PDE7A: variants seen among roughly 807,000 people sequenced by gnomAD.
The protein encoded by PDE7A is high affinity 3',5'-cyclic-AMP phosphodiesterase 7A.
PDE7A carries 39 observed loss-of-function variants against 64.3 expected under a neutral mutation model. The ratio of observed to expected loss-of-function variants is 0.61; its 90% CI spans 0.47 to 0.79. The LOEUF is 0.79. PDE7A is among the 30% of genes least tolerant of loss of function. The pLI is 0.00. For missense variants in PDE7A, 470 were observed against 582.8 expected (o/e 0.81, Z 1.99); for synonymous variants, 203 against 206.8 (o/e 0.98, Z 0.16).
intron 12 of PDE7A, chr8:65,722,479 T>C (rs1426785780): frequency 1.3e-5 from 2 of 152,254 alleles, no homozygotes; most frequent in Non-Finnish European, 2.9e-5. Context: ...ACTTCATCTT[T>C]CTGAACTTTG....
At chr8:65,745,990 C>T (rs192289201) in intron 4 of PDE7A, among the ~76,000 whole-genome samples, 4 of 151,810 alleles carry the variant, frequency 2.6e-5, no homozygotes, top group Non-Finnish European at 4.4e-5. Context: ...TGCAGTGGCA[C>T]AAACAAGACG....
At chr8:65,762,448 T>G (rs1001244696) in intron 3 of PDE7A, among the ~76,000 whole-genome samples, 4 of 152,270 alleles carry the variant, frequency 2.6e-5, no homozygotes, top group African/African-American at 9.6e-5. Flanking sequence ...GCAAAGTACA[T>G]GAGAACACAG....
chr8:65,796,996 T>C (rs1809859936), intron 1 of PDE7A, among the ~76,000 whole-genome samples: 1 of 152,150 alleles, frequency 6.6e-6, no homozygotes, highest in Non-Finnish European at 1.5e-5. Flanking sequence ...TAGACACAAG[T>C]TTGATATTAA....
At chr8:65,740,325 A>T (rs1807357841) in intron 5 of PDE7A, among the ~76,000 whole-genome samples, 1 of 152,234 alleles carries the variant, frequency 6.6e-6, no homozygotes, top group Admixed American at 6.5e-5. Context: ...TTAAACTTTC[A>T]ACATACTTAG....
At chr8:65,817,799 C>T (rs1344612247) in intron 1 of PDE7A, among the ~76,000 whole-genome samples, 1 of 144,998 alleles carries the variant, frequency 6.9e-6, no homozygotes, top group African/African-American at 2.6e-5. Context: ...GTCGCCCAGG[C>T]TGGAGTGCAG....
At chr8:65,798,206 A>ATATATTTTTTTTT in intron 1 of PDE7A, among the ~76,000 whole-genome samples, 12 of 73,808 alleles carry the variant, frequency 1.6e-4, no homozygotes, top group African/African-American at 2.9e-4. Context: ...ATATATATAT[A>ATATATTTTTTTTT]TTTTTTTTTT....
intron 2 of PDE7A, 24 bp from the exon 3 acceptor site, chr8:65,779,827 A>G (rs775838696): frequency 1.5e-5 from 22 of 1,464,348 alleles, no homozygotes; most frequent in Non-Finnish European, 2.1e-5. Context: ...AGAATAAAAC[A>G]TAAGTTTAGA....
chr8:65,769,665 G>A (rs1031408215), intron 3 of PDE7A, among the ~76,000 whole-genome samples: 1 of 152,168 alleles, frequency 6.6e-6, no homozygotes, highest in Non-Finnish European at 1.5e-5. Context: ...GGAGGCTGAC[G>A]CAGGCAGATG....
chr8:65,796,690 T>G (rs1809852983), intron 1 of PDE7A, among the ~76,000 whole-genome samples: 1 of 151,958 alleles, frequency 6.6e-6, no homozygotes, highest in African/African-American at 2.4e-5. Flanking sequence ...AAAAGAAAAC[T>G]TCTTCACCAT....
chr8:65,742,368 C>A (rs1807480051), intron 5 of PDE7A, among the ~76,000 whole-genome samples: 1 of 152,144 alleles, frequency 6.6e-6, no homozygotes, highest in South Asian at 2.1e-4. Flanking sequence ...TATGTCGCAT[C>A]ACTTAACTCC....
chr8:65,809,955 T>C (rs1810212049), intron 1 of PDE7A, among the ~76,000 whole-genome samples: 1 of 152,170 alleles, frequency 6.6e-6, no homozygotes, highest in Admixed American at 6.5e-5. Context: ...CTCAAGGATC[T>C]AGAACTAGAA....
intron 1 of PDE7A, among the ~76,000 whole-genome samples, chr8:65,811,792 A>G (rs554904924): frequency 5.9e-5 from 9 of 152,336 alleles, no homozygotes; most frequent in African/African-American, 1.9e-4. Flanking sequence ...ATAAACATAC[A>G]CGCAAGGTCA....
intron 1 of PDE7A, among the ~76,000 whole-genome samples, chr8:65,820,575 T>G (rs1165614241): frequency 1.3e-5 from 2 of 152,176 alleles, no homozygotes; most frequent in Non-Finnish European, 2.9e-5. Context: ...CTTTGACAAT[T>G]TTAAGAGTTG....
At chr8:65,772,692 T>C (rs1427489493) in intron 3 of PDE7A, among the ~76,000 whole-genome samples, 1 of 152,192 alleles carries the variant, frequency 6.6e-6, no homozygotes, top group African/African-American at 2.4e-5. Context: ...TCAACTTTAC[T>C]GTGCATAAAC....
At chr8:65,839,449 T>A (rs1181415217) in intron 1 of PDE7A, among the ~76,000 whole-genome samples, 1 of 151,816 alleles carries the variant, frequency 6.6e-6, no homozygotes, top group Non-Finnish European at 1.5e-5. Flanking sequence ...GAAATCAATA[T>A]CAACATATGC....
chr8:65,829,771 C>A (rs532364932), intron 1 of PDE7A, among the ~76,000 whole-genome samples: 20 of 151,828 alleles, frequency 1.3e-4, no homozygotes, highest in African/African-American at 4.4e-4. Context: ...GTATGGAAAC[C>A]CAGAACTAGT....
At chr8:65,793,227 T>C (rs1053225321) in intron 1 of PDE7A, among the ~76,000 whole-genome samples, 2 of 152,176 alleles carry the variant, frequency 1.3e-5, no homozygotes, top group Non-Finnish European at 2.9e-5. Context: ...GGAAGAATTC[T>C]AGAAGTAGCC....
chr8:65,719,190 G>T lies in PDE7A; in HGVS notation c.*100C>A. On this transcript the variant is annotated 3_prime_UTR_variant, in exon 13 of 13. Coordinates refer to ENST00000401827, the MANE Select transcript of PDE7A (RefSeq NM_001242318.3). Reference sequence around the variant, plus strand: ...TAATGCTGGCTGGCATCACTCACTTGGAAACCTTGGCAGTCAAGAGTTAAG... The same window carrying T: ...TAATGCTGGCTGGCATCACTCACTTTGAAACCTTGGCAGTCAAGAGTTAAG... 1.3e-6 allele frequency: 1 copy of T among 766,868 alleles called. No homozygotes were observed. Among genetic ancestry groups the T allele is most frequent in the Non-Finnish European group, 2.3e-6 (1 of 437,986 alleles). 47.5% of individuals were successfully genotyped at this position (766,868 alleles called of 1,614,324 possible).
At chr8:65,739,677 G>C (rs992942581) in intron 5 of PDE7A, 80 bp from the exon 6 acceptor site, 11 of 1,263,324 alleles carry the variant, frequency 8.7e-6, no homozygotes, top group Non-Finnish European at 1.1e-5. Flanking sequence ...TACAGATTTT[G>C]AATATAAAAC....
Sources: gnomAD v4.1 joint callset for allele counts (sites outside exome capture counted in the v4.1 genomes callset) on GRCh38, gnomAD v4.1.1 for gene constraint, MANE v1.5 for transcripts, NCBI Gene and HGNC (gene_info 2026-07-23, HGNC 2026-07-21) for gene names.